Variants in ECT2 observed in about 807,000 individuals in gnomAD.
The protein encoded by ECT2 is protein ECT2.
In ECT2, 61 loss-of-function variants were observed where a neutral mutation model predicts 116.9. That is an observed-to-expected ratio of 0.52 (90% CI 0.42 to 0.65). ECT2 has a LOEUF of 0.65. ECT2 is among the 30% of genes least tolerant of loss of function. The pLI is 0.00. For missense variants in ECT2, 937 were observed against 1,078.7 expected (o/e 0.87, Z 1.84); for synonymous variants, 358 against 346.4 (o/e 1.03, Z -0.37).
chr3:172,821,857 A>G (rs925671784), downstream of ECT2, among the ~76,000 whole-genome samples: 4 of 151,992 alleles, frequency 2.6e-5, no homozygotes, highest in Admixed American at 6.6e-5. Context: ...TGTATTGACT[A>G]TACACTGGCA....
intron 24 of ECT2, among the ~76,000 whole-genome samples, chr3:172,817,529 T>G (rs1729962593): frequency 6.6e-6 from 1 of 152,136 alleles, no homozygotes; most frequent in East Asian, 1.9e-4. Flanking sequence ...CCTTTTACTA[T>G]TTTTGTGATG....
intron 22 of ECT2, among the ~76,000 whole-genome samples, chr3:172,810,024 A>G (rs1311436582): frequency 6.6e-6 from 1 of 152,126 alleles, no homozygotes; most frequent in Non-Finnish European, 1.5e-5. Context: ...TTATGTATGT[A>G]TTTTTGGTCT....
chr3:172,764,665 G>A (rs1042903010), intron 12 of ECT2, among the ~76,000 whole-genome samples, 165 bp downstream of exon 12: 2 of 152,124 alleles, frequency 1.3e-5, no homozygotes, highest in African/African-American at 4.8e-5. Context: ...TAATAATGTT[G>A]CAATTTAATG....
chr3:172,757,295 G>T, intron 5 of ECT2, 130 bp downstream of exon 5: 1 of 640,176 alleles, frequency 1.6e-6, no homozygotes, highest in Non-Finnish European at 2.4e-6. Flanking sequence ...GAATAATAGT[G>T]GCTATTCTAA....
intron 6 of ECT2, 24 bp from the exon 7 acceptor site, chr3:172,760,132 G>A (rs764253088): frequency 2.0e-6 from 3 of 1,524,774 alleles, no homozygotes; most frequent in Non-Finnish European, 1.8e-6. Context: ...CATAAAGTCA[G>A]TGTTGCTTAA....
intron 5 of ECT2, among the ~76,000 whole-genome samples, chr3:172,758,033 T>A (rs1197074425): frequency 2.0e-5 from 3 of 152,156 alleles, no homozygotes; most frequent in African/African-American, 7.2e-5. Context: ...AAGTTTTTTC[T>A]ATTTTTAGTA....
intron 24 of ECT2, among the ~76,000 whole-genome samples, chr3:172,819,693 TACAA>T (rs1042800277): frequency 1.1e-4 from 16 of 152,234 alleles, no homozygotes; most frequent in African/African-American, 3.8e-4. Flanking sequence ...GTACATATAT[TACAA>T]ACACTCTTTG....
At chr3:172,797,043 T>C (rs1356339183) in intron 18 of ECT2, among the ~76,000 whole-genome samples, 2 of 151,700 alleles carry the variant, frequency 1.3e-5, no homozygotes, top group Non-Finnish European at 2.9e-5. Context: ...TGTGTGTGTG[T>C]GTGTGTGTGT....
intron 22 of ECT2, among the ~76,000 whole-genome samples, chr3:172,814,155 T>C (rs1729276125): frequency 6.6e-6 from 1 of 152,046 alleles, no homozygotes; most frequent in Admixed American, 6.6e-5. Flanking sequence ...GGGGATGTGG[T>C]TGTTCAAATG....
chr3:172,810,018 G>T (rs953096177), intron 22 of ECT2, among the ~76,000 whole-genome samples: 1 of 152,150 alleles, frequency 6.6e-6, no homozygotes, highest in Non-Finnish European at 1.5e-5. Flanking sequence ...GAATCCTTAT[G>T]TATGTATTTT....
At position 172,773,941 on chromosome 3, in the gene ECT2, T is replaced by TG; in HGVS notation, c.1469dup (p.Pro491ThrfsTer9). 6.2e-7 allele frequency: 1 copy of TG among 1,613,474 alleles called. No homozygotes were observed. Among genetic ancestry groups the TG allele is most frequent in the South Asian group, 1.1e-5 (1 of 91,060 alleles). On this transcript the variant is annotated frameshift_variant, in exon 14 of 25. Coordinates refer to ENST00000392692, the MANE Select transcript of ECT2 (RefSeq NM_001258315.2). LOFTEE classifies it high-confidence loss of function. ...CATTGGAAGAGGAAGGACAACGTGG[T>TG]GGACCTATCCTTGCACCAGAGGAGA...
chr3:172,781,403 A>G (rs535165143), intron 14 of ECT2, among the ~76,000 whole-genome samples: 1 of 152,170 alleles, frequency 6.6e-6, no homozygotes, highest in East Asian at 1.9e-4. Context: ...TTACAAAAAT[A>G]ATTTTAATCT....
chr3:172,798,325 A>T (rs572845494), intron 18 of ECT2, among the ~76,000 whole-genome samples: 5 of 152,252 alleles, frequency 3.3e-5, no homozygotes, highest in African/African-American at 9.6e-5. Context: ...AGCTTTTTAA[A>T]CTATGGCTAG....
chr3:172,801,494 C>T lies in ECT2; in HGVS notation c.1908-1122C>T, dbSNP rs79918133. ...AACTCTGATTTTTTAACGTGTCTTC[C>T]CTAACCTCGGATAGTTTTCTTACAC... On this transcript the variant is annotated intron_variant, in intron 18 of 24. Coordinates refer to ENST00000392692, the MANE Select transcript of ECT2 (RefSeq NM_001258315.2). 4.6e-5 allele frequency among the ~76,000 whole-genome samples: 7 copies of T among 152,266 alleles called. No individual in the cohort carries two copies. The East Asian group carries it at 1.3e-3, about 29-fold the overall frequency.
intron 18 of ECT2, among the ~76,000 whole-genome samples, chr3:172,796,768 GCGATTCTC>G (rs563248878): frequency 7.3e-4 from 111 of 152,200 alleles, no homozygotes; most frequent in African/African-American, 2.6e-3. Flanking sequence ...TCAGGTTCCA[GCGATTCTC>G]CTGCCTCTGC....
chr3:172,768,494 C>CT (rs1473188633), intron 12 of ECT2, among the ~76,000 whole-genome samples: 2 of 152,134 alleles, frequency 1.3e-5, no homozygotes, highest in African/African-American at 2.4e-5. Context: ...ACTTAAATGT[C>CT]TATTTCCTAT....
chr3:172,810,682 G>C (rs937494805), intron 22 of ECT2, among the ~76,000 whole-genome samples: 1 of 152,054 alleles, frequency 6.6e-6, no homozygotes, highest in Admixed American at 6.6e-5. Context: ...TTGAAGACTA[G>C]GGTAAGAGGA....
chr3:172,791,344 C>A (rs528490404), intron 18 of ECT2, among the ~76,000 whole-genome samples: 2 of 152,320 alleles, frequency 1.3e-5, no homozygotes, highest in South Asian at 4.1e-4. Context: ...GTCAGCCTGT[C>A]CTTTGAAGCT....
rs147565590 is a variant in ECT2 at position 172,797,460 on chromosome 3, C to G, written c.1908-5156C>G. On this transcript the variant is annotated intron_variant, in intron 18 of 24. Transcript: ENST00000392692. ...CTTTGCTTCAGCTTTTTTCTGTCAG[C>G]TTTCATAACTGTTTTCTGTGGTTCT... Among the ~76,000 whole-genome samples, 5 of 152,292 alleles carry G rather than the reference C, an allele frequency of 3.3e-5. No homozygotes were observed. In the East Asian group the frequency reaches 9.6e-4, roughly 29 times the overall value.
Sources: allele counts gnomAD v4.1 joint callset (sites outside exome capture counted in the v4.1 genomes callset), GRCh38; gene constraint gnomAD v4.1.1; transcripts MANE v1.5; gene names NCBI Gene and HGNC (gene_info 2026-07-23, HGNC 2026-07-21).